The following CDH12 variants were observed in gnomAD, a reference collection of about 807,000 sequenced individuals.
The protein encoded by CDH12 is cadherin 12.
Under a neutral mutation model 74.1 loss-of-function variants are expected in CDH12, and 41 were observed. The ratio of observed to expected loss-of-function variants is 0.55; its 90% CI spans 0.43 to 0.72. The LOEUF (loss-of-function observed/expected upper bound fraction) is 0.72. CDH12 is among the 30% of genes least tolerant of loss of function. The probability of loss-of-function intolerance (pLI) is 0.00; values close to 1 mark genes in which losing one functional copy is unlikely to be tolerated. For missense variants in CDH12, 945 were observed against 977.2 expected, an observed-to-expected ratio of 0.97 and a Z score of 0.44; for synonymous variants, 399 against 355.0, an observed-to-expected ratio of 1.12 and a Z score of -1.39.
chr5:22,029,108 A>G lies in CDH12; in HGVS notation c.231+49338T>C, dbSNP rs375874533. Among the ~76,000 whole-genome samples the G allele has an allele frequency of 7.2e-5, 11 of 152,354 alleles. No homozygotes were observed. In the East Asian group the frequency reaches 1.9e-3, roughly 27 times the overall value. On this transcript the variant is annotated intron_variant, in intron 5 of 14. Transcript: ENST00000382254. ...CTTCCATACACCTTTAACAAAAATT[A>G]TTTCAAGATGGATTAAAGACTTAAA...
chr5:22,595,985 G>GT (rs1736585106), intron 1 of CDH12, among the ~76,000 whole-genome samples: 3 of 151,374 alleles, frequency 2.0e-5, no homozygotes, highest in Non-Finnish European at 4.4e-5. Context: ...GTGGGCACCT[G>GT]TAGTCCCAGC....
At chr5:22,407,887 C>T (rs972389160) in intron 2 of CDH12, among the ~76,000 whole-genome samples, 2 of 152,054 alleles carry the variant, frequency 1.3e-5, no homozygotes, top group African/African-American at 4.8e-5. Flanking sequence ...TTCAATTATA[C>T]CTTCATACAG....
intron 2 of CDH12, among the ~76,000 whole-genome samples, chr5:22,413,105 T>G (rs1298622295): frequency 2.0e-5 from 3 of 152,032 alleles, no homozygotes; most frequent in African/African-American, 7.2e-5. Context: ...TTTTATGTGC[T>G]TAACTTTGTT....
At chr5:21,884,249 G>A (rs1752513094) in intron 6 of CDH12, 2 of 1,512,058 alleles carry the variant, frequency 1.3e-6, no homozygotes, top group Middle Eastern at 1.7e-4. Context: ...CTAAAGAAGA[G>A]AAGGACCCTG....
chr5:21,876,155 A>G (rs34863616), intron 6 of CDH12, among the ~76,000 whole-genome samples: 110,343 of 151,918 alleles, frequency 0.73, 44,934 homozygotes, highest in Non-Finnish European at 0.9. Context: ...CAGCCTCCCA[A>G]AGTGCTGGGA....
At chr5:22,752,276 A>T (rs1745618347) in intron 1 of CDH12, among the ~76,000 whole-genome samples, 1 of 152,002 alleles carries the variant, frequency 6.6e-6, no homozygotes. Flanking sequence ...GAAAAATTAT[A>T]AGAAAAAAAC....
chr5:22,771,357 T>C (rs1746795716), intron 1 of CDH12, among the ~76,000 whole-genome samples: 1 of 152,064 alleles, frequency 6.6e-6, no homozygotes, highest in South Asian at 2.1e-4. Flanking sequence ...ATTATTAGCA[T>C]ACAAATTTTA....
At chr5:22,720,139 T>G (rs553269217) in intron 1 of CDH12, among the ~76,000 whole-genome samples, 2 of 152,080 alleles carry the variant, frequency 1.3e-5, no homozygotes, top group African/African-American at 4.8e-5. Context: ...TTATCTCAAA[T>G]TGTAACCCCT....
At chr5:22,511,658 T>G (rs1017573840) in intron 1 of CDH12, among the ~76,000 whole-genome samples, 1 of 152,186 alleles carries the variant, frequency 6.6e-6, no homozygotes, top group African/African-American at 2.4e-5. Context: ...TGGACACAAC[T>G]GCTTTGAAGA....
chr5:21,969,219 T>C (rs1288333643), intron 6 of CDH12, among the ~76,000 whole-genome samples: 1 of 152,138 alleles, frequency 6.6e-6, no homozygotes, highest in African/African-American at 2.4e-5. Context: ...GAAAAGCTCC[T>C]GGACTTTGAG....
chr5:22,589,366 C>G (rs1740566600), intron 1 of CDH12, among the ~76,000 whole-genome samples: 1 of 152,118 alleles, frequency 6.6e-6, no homozygotes, highest in African/African-American at 2.4e-5. Context: ...AATCTTCAAA[C>G]AAGGGAGCAT....
intron 3 of CDH12, among the ~76,000 whole-genome samples, chr5:22,249,519 A>G (rs1753066170): frequency 6.6e-6 from 1 of 152,242 alleles, no homozygotes; most frequent in African/African-American, 2.4e-5. Flanking sequence ...TTGACACATC[A>G]AAGAGCCTCA....
chr5:22,484,871 A>C (rs1410762343), intron 2 of CDH12, among the ~76,000 whole-genome samples: 1 of 152,178 alleles, frequency 6.6e-6, no homozygotes, highest in Non-Finnish European at 1.5e-5. Context: ...ATATAGTAGA[A>C]CAATAACAAC....
intron 3 of CDH12, among the ~76,000 whole-genome samples, chr5:22,264,102 A>G (rs1213729608): frequency 1.3e-5 from 2 of 151,544 alleles, no homozygotes; most frequent in Non-Finnish European, 2.9e-5. Flanking sequence ...TTATTTAAAT[A>G]TATATTTACT....
At chr5:22,081,077 C>A (rs751416642) in intron 4 of CDH12, among the ~76,000 whole-genome samples, 2 of 152,104 alleles carry the variant, frequency 1.3e-5, no homozygotes, top group African/African-American at 4.8e-5. Flanking sequence ...CCTCGCTTGG[C>A]CTCTTTCCAA....
chr5:21,969,114 G>A (rs554832330), intron 6 of CDH12, among the ~76,000 whole-genome samples: 34 of 151,094 alleles, frequency 2.3e-4, no homozygotes, highest in Non-Finnish European at 4.4e-4. Flanking sequence ...TGCACATCCT[G>A]CACAGGTACT....
At chr5:22,013,977 A>G (rs962244016) in intron 5 of CDH12, among the ~76,000 whole-genome samples, 1 of 152,214 alleles carries the variant, frequency 6.6e-6, no homozygotes, top group Non-Finnish European at 1.5e-5. Flanking sequence ...CTGTAGTCCC[A>G]GCACTTTGGG....
chr5:21,798,001 TTTAA>T, intron 10 of CDH12, among the ~76,000 whole-genome samples: 1 of 152,200 alleles, frequency 6.6e-6, no homozygotes, highest in Non-Finnish European at 1.5e-5. Context: ...TGCAGAGAGT[TTTAA>T]TTAATCTTCA....
intron 6 of CDH12, chr5:21,882,589 G>A: frequency 6.3e-7 from 1 of 1,588,762 alleles, no homozygotes; most frequent in Non-Finnish European, 8.6e-7. Flanking sequence ...CCACAGAAAT[G>A]CTTCGGTTAC....
Sources: gnomAD v4.1 joint callset for allele counts (sites outside exome capture counted in the v4.1 genomes callset) on GRCh38, gnomAD v4.1.1 for gene constraint, MANE v1.5 for transcripts, NCBI Gene and HGNC (gene_info 2026-07-23, HGNC 2026-07-21) for gene names.